Variants in WWOX observed in about 807,000 individuals in gnomAD.
WWOX encodes the protein WW domain-containing oxidoreductase.
A neutral mutation model predicts 46.2 loss-of-function variants in WWOX; 69 were observed. The ratio of observed to expected loss-of-function variants is 1.49; its 90% confidence interval spans 1.23 to 1.82. The LOEUF (loss-of-function observed/expected upper bound fraction) is 1.82. Ranked by LOEUF, WWOX falls within the 40% of genes most tolerant of loss-of-function variation. The pLI is 0.00. For synonymous variants in WWOX, 359 were observed against 202.6 expected, an observed-to-expected ratio of 1.77 and a Z score of -6.56; for missense variants, 919 against 542.6, an observed-to-expected ratio of 1.69 and a Z score of -6.89.
At chr16:79,143,216 T>G (rs1304293889) in intron 8 of WWOX, among the ~76,000 whole-genome samples, 1 of 152,224 alleles carries the variant, frequency 6.6e-6, no homozygotes, top group Non-Finnish European at 1.5e-5. Context: ...AATCCTATTG[T>G]CTTTCCCTGC....
chr16:78,447,558 C>T (rs562708136), intron 8 of WWOX, among the ~76,000 whole-genome samples: 183 of 152,188 alleles, frequency 1.2e-3, no homozygotes, highest in African/African-American at 4.1e-3. Flanking sequence ...GGTAAATATC[C>T]GCATACATGC....
chr16:78,388,670 AAAAAAAAG>A (rs1567543063), intron 6 of WWOX, among the ~76,000 whole-genome samples: 9 of 120,624 alleles, frequency 7.5e-5, no homozygotes, highest in Non-Finnish European at 4.8e-5. Context: ...AAAAAAAAAA[AAAAAAAAG>A]TTTGTACTCA....
chr16:79,092,006 C>T (rs757553183), intron 8 of WWOX, among the ~76,000 whole-genome samples: 1 of 152,058 alleles, frequency 6.6e-6, no homozygotes, highest in Non-Finnish European at 1.5e-5. Flanking sequence ...GTCTCGATCT[C>T]TTGACCTCGT....
At chr16:78,400,540 C>A (rs1441274504) in intron 6 of WWOX, among the ~76,000 whole-genome samples, 4 of 152,020 alleles carry the variant, frequency 2.6e-5, no homozygotes, top group Admixed American at 2.6e-4. Flanking sequence ...TGGAAAAAAT[C>A]TTTGAGTTTC....
intron 8 of WWOX, among the ~76,000 whole-genome samples, chr16:79,128,430 T>A (rs1369331402): frequency 2.0e-5 from 3 of 152,080 alleles, no homozygotes; most frequent in Non-Finnish European, 2.9e-5. Context: ...TTTAACACTT[T>A]CAGCAACCCT....
intron 8 of WWOX, among the ~76,000 whole-genome samples, chr16:78,822,667 G>T (rs193026837): frequency 6.6e-6 from 1 of 152,162 alleles, no homozygotes; most frequent in African/African-American, 2.4e-5. Flanking sequence ...ATCTTTCCAT[G>T]ATGAGAGTTA....
At chr16:78,245,102 T>C (rs1238342320) in intron 5 of WWOX, among the ~76,000 whole-genome samples, 3 of 152,204 alleles carry the variant, frequency 2.0e-5, no homozygotes, top group Non-Finnish European at 2.9e-5. Context: ...ATTCAAATAT[T>C]CCAGAGATAT....
intron 8 of WWOX, among the ~76,000 whole-genome samples, chr16:78,787,964 A>C (rs1025515309): frequency 6.6e-6 from 1 of 152,184 alleles, no homozygotes; most frequent in Admixed American, 6.5e-5. Flanking sequence ...TGTTGATTCA[A>C]GTCCTTTGCC....
chr16:78,939,439 A>G (rs1042496622), intron 8 of WWOX, among the ~76,000 whole-genome samples: 1 of 152,204 alleles, frequency 6.6e-6, no homozygotes, highest in African/African-American at 2.4e-5. Flanking sequence ...TTAGCTCACC[A>G]GTGGCAAATA....
chr16:78,793,019 C>G (rs900113771), intron 8 of WWOX, among the ~76,000 whole-genome samples: 1 of 152,168 alleles, frequency 6.6e-6, no homozygotes, highest in Non-Finnish European at 1.5e-5. Flanking sequence ...TGCGGAATTT[C>G]CTTGCCCCCG....
chr16:78,671,067 A>C (rs1347890617), intron 8 of WWOX, among the ~76,000 whole-genome samples: 1 of 152,172 alleles, frequency 6.6e-6, no homozygotes, highest in African/African-American at 2.4e-5. Context: ...GAACCCCCAG[A>C]AGGGACTCAG....
At chr16:78,206,683 A>G (rs978061007) in intron 5 of WWOX, among the ~76,000 whole-genome samples, 3 of 152,184 alleles carry the variant, frequency 2.0e-5, no homozygotes, top group Non-Finnish European at 2.9e-5. Context: ...GAAAATCATT[A>G]CTGATTACCT....
Position 78,636,543 on chromosome 16 carries a change from C to G in WWOX, c.1056+203791C>G, listed in dbSNP as rs942495189. ...ATAGAAAATAGAGTAGCTGCCCTCC[C>G]CATCCGCCATTCTCAGTCCTTTTGC... is the stretch of plus-strand genomic sequence containing the variant. On this transcript the variant is annotated intron_variant, in intron 8 of 8. Transcript: ENST00000566780. 4.6e-5 allele frequency among the ~76,000 whole-genome samples: 7 copies of G among 152,216 alleles called. No individual in the cohort carries two copies. In the East Asian group the frequency reaches 7.7e-4, roughly 17 times the overall value.
intron 8 of WWOX, among the ~76,000 whole-genome samples, chr16:78,451,303 GAA>G (rs2151411651): frequency 6.6e-6 from 1 of 152,312 alleles, no homozygotes; most frequent in African/African-American, 2.4e-5. Flanking sequence ...GATTTTCACT[GAA>G]TGAGTATACA....
intron 8 of WWOX, among the ~76,000 whole-genome samples, chr16:78,569,205 T>G (rs545044533): frequency 1.3e-5 from 2 of 152,338 alleles, no homozygotes; most frequent in Non-Finnish European, 2.9e-5. Context: ...ATGTACTGTT[T>G]CCCACTGAGA....
intron 8 of WWOX, among the ~76,000 whole-genome samples, chr16:79,130,285 C>A (rs973107952): frequency 6.6e-6 from 1 of 152,154 alleles, no homozygotes; most frequent in Admixed American, 6.5e-5. Context: ...TAGCATAGTG[C>A]CTGCCACTTA....
intron 8 of WWOX, among the ~76,000 whole-genome samples, chr16:78,950,132 G>A (rs1244708680): frequency 6.6e-6 from 1 of 152,042 alleles, no homozygotes; most frequent in African/African-American, 2.4e-5. Flanking sequence ...TTTGTATTTT[G>A]GTTCAAAAAG....
At chr16:78,522,464 C>T (rs187729144) in intron 8 of WWOX, among the ~76,000 whole-genome samples, 5 of 152,302 alleles carry the variant, frequency 3.3e-5, no homozygotes, top group Admixed American at 6.5e-5. Flanking sequence ...GCTCTGCCTG[C>T]AGTCTCTTCC....
At chr16:78,490,433 G>A (rs16947728) in intron 8 of WWOX, among the ~76,000 whole-genome samples, 26,129 of 152,140 alleles carry the variant, frequency 0.17, 3,029 homozygotes, top group African/African-American at 0.34. Flanking sequence ...TTTGGTGCTC[G>A]TAATTGGTGA....
Sources: gnomAD v4.1 joint callset for allele counts (sites outside exome capture counted in the v4.1 genomes callset) on GRCh38, gnomAD v4.1.1 for gene constraint, MANE v1.5 for transcripts, NCBI Gene and HGNC (gene_info 2026-07-23, HGNC 2026-07-21) for gene names.